SPSB4: variants seen among roughly 807,000 people sequenced by gnomAD.
The protein encoded by SPSB4 is SPRY domain-containing SOCS box protein 4.
Under a neutral mutation model 20.9 loss-of-function variants are expected in SPSB4, and 21 were observed. The ratio of observed to expected loss-of-function variants is 1.01; its 90% CI spans 0.71 to 1.45. SPSB4 has a LOEUF of 1.45. SPSB4 is among the 40% of genes most tolerant of loss of function. The pLI, the probability that SPSB4 is intolerant of heterozygous loss-of-function variation, is 0.00. For synonymous variants in SPSB4, 207 were observed against 183.8 expected (o/e 1.13, Z -1.02); for missense variants, 399 against 399.2 (o/e 1.00, Z 0.00).
At chr3:141,132,625 A>G (rs976106941) in intron 2 of SPSB4, among the ~76,000 whole-genome samples, 4 of 151,040 alleles carry the variant, frequency 2.6e-5, no homozygotes, top group African/African-American at 4.9e-5. Context: ...TTCCTTTTTT[A>G]TGGCTGAGTA....
intron 2 of SPSB4, among the ~76,000 whole-genome samples, chr3:141,083,475 G>A (rs1052283648): frequency 6.6e-6 from 1 of 152,156 alleles, no homozygotes; most frequent in Non-Finnish European, 1.5e-5. Context: ...TCTCTGGGCA[G>A]GGCCAGGGAG....
At chr3:141,098,854 A>T (rs1195003614) in intron 2 of SPSB4, among the ~76,000 whole-genome samples, 1 of 152,220 alleles carries the variant, frequency 6.6e-6, no homozygotes, top group Non-Finnish European at 1.5e-5. Context: ...TGGGTAATTT[A>T]TAAAGACAGA....
intron 2 of SPSB4, among the ~76,000 whole-genome samples, chr3:141,092,384 C>A (rs1938470095): frequency 6.6e-6 from 1 of 152,210 alleles, no homozygotes; most frequent in Admixed American, 6.5e-5. Context: ...CAACCAAAGC[C>A]CTTCTCCTTC....
intron 2 of SPSB4, among the ~76,000 whole-genome samples, chr3:141,097,638 A>C (rs983545292): frequency 6.6e-6 from 1 of 151,906 alleles, no homozygotes; most frequent in African/African-American, 2.4e-5. Context: ...TGTCTCTCAC[A>C]GAGGAGAGAG....
intron 2 of SPSB4, among the ~76,000 whole-genome samples, chr3:141,075,200 G>T (rs1409922958): frequency 6.6e-6 from 1 of 151,854 alleles, no homozygotes; most frequent in East Asian, 1.9e-4. Context: ...AGGGCCAGGG[G>T]TGATGCTGAT....
intron 2 of SPSB4, among the ~76,000 whole-genome samples, chr3:141,094,093 A>G (rs563562239): frequency 6.6e-6 from 1 of 152,184 alleles, no homozygotes; most frequent in Admixed American, 6.5e-5. Context: ...CTGTATCTCT[A>G]CAGCAAGCGG....
chr3:141,079,366 G>C (rs1375202000), intron 2 of SPSB4, among the ~76,000 whole-genome samples: 1 of 151,962 alleles, frequency 6.6e-6, no homozygotes, highest in East Asian at 1.9e-4. Flanking sequence ...GTATAGACAA[G>C]CTTCTTACTG....
chr3:141,062,569 T>C (rs1937786058), intron 1 of SPSB4, among the ~76,000 whole-genome samples: 1 of 152,172 alleles, frequency 6.6e-6, no homozygotes, highest in African/African-American at 2.4e-5. Flanking sequence ...GGTTCTAGTA[T>C]GTGGAATGCT....
chr3:141,083,952 T>G (rs989604340), intron 2 of SPSB4, among the ~76,000 whole-genome samples: 2 of 152,024 alleles, frequency 1.3e-5, no homozygotes, highest in Non-Finnish European at 2.9e-5. Flanking sequence ...GACTCTGAAG[T>G]TGGGCAGAAA....
intron 2 of SPSB4, among the ~76,000 whole-genome samples, chr3:141,144,558 G>C (rs1261980540): frequency 6.6e-6 from 1 of 152,202 alleles, no homozygotes; most frequent in Non-Finnish European, 1.5e-5. Flanking sequence ...GTTCCACAGT[G>C]GGGGCAGGAA....
At chr3:141,107,639 C>T (rs569265618) in intron 2 of SPSB4, among the ~76,000 whole-genome samples, 2 of 152,228 alleles carry the variant, frequency 1.3e-5, no homozygotes, top group Non-Finnish European at 2.9e-5. Flanking sequence ...ATCCCCTCTG[C>T]TAGTCTCTAA....
intron 1 of SPSB4, among the ~76,000 whole-genome samples, chr3:141,062,120 T>A (rs1937778606): frequency 6.6e-6 from 1 of 152,220 alleles, no homozygotes; most frequent in African/African-American, 2.4e-5. Context: ...CTCTTCACTA[T>A]GATGGTTTCT....
chr3:141,136,254 A>G (rs527696622), intron 2 of SPSB4, among the ~76,000 whole-genome samples: 1,924 of 152,050 alleles, frequency 0.013, 41 homozygotes, highest in African/African-American at 0.045. Context: ...ATGTCAGATG[A>G]GTAGGTTCCA....
intron 1 of SPSB4, among the ~76,000 whole-genome samples, chr3:141,058,764 T>G (rs1191679405): frequency 1.3e-5 from 2 of 152,142 alleles, no homozygotes; most frequent in Admixed American, 6.5e-5. Context: ...CAGGGAAGGA[T>G]GCAAAGCAGT....
intron 2 of SPSB4, among the ~76,000 whole-genome samples, chr3:141,067,221 G>A (rs1226613529): frequency 6.6e-6 from 1 of 152,208 alleles, no homozygotes; most frequent in African/African-American, 2.4e-5. Context: ...CAAGTCCCCA[G>A]TCCCTGCACT....
At chr3:141,055,010 T>C (rs1027616773) in intron 1 of SPSB4, among the ~76,000 whole-genome samples, 12 of 151,722 alleles carry the variant, frequency 7.9e-5, no homozygotes, top group African/African-American at 2.9e-4. Context: ...ATAGAGTGGC[T>C]AGTCCTTCTT....
At chr3:141,071,515 G>A (rs1282280601) in intron 2 of SPSB4, among the ~76,000 whole-genome samples, 1 of 152,088 alleles carries the variant, frequency 6.6e-6, no homozygotes, top group Non-Finnish European at 1.5e-5. Flanking sequence ...AAGTCATGAG[G>A]CAATGTGGCT....
chr3:141,075,604 C>T (rs138195002), intron 2 of SPSB4, among the ~76,000 whole-genome samples: 165 of 152,170 alleles, frequency 1.1e-3, no homozygotes, highest in African/African-American at 3.8e-3. Flanking sequence ...AGGACTGGGT[C>T]GGGCCCAAGA....
At chr3:141,053,428 A>C (rs1421809150) in intron 1 of SPSB4, among the ~76,000 whole-genome samples, 2 of 152,088 alleles carry the variant, frequency 1.3e-5, no homozygotes, top group Non-Finnish European at 2.9e-5. Context: ...CTACCCAAAT[A>C]TCTCTCCAGT....
Sources: allele counts gnomAD v4.1 joint callset (sites outside exome capture counted in the v4.1 genomes callset), GRCh38; gene constraint gnomAD v4.1.1; transcripts MANE v1.5; gene names NCBI Gene and HGNC (gene_info 2026-07-23, HGNC 2026-07-21).